SPNS2: variants seen among roughly 807,000 people sequenced by gnomAD.
The protein encoded by SPNS2 is sphingosine-1-phosphate transporter SPNS2.
SPNS2 carries 37 observed loss-of-function variants against 57.6 expected under a neutral mutation model. The ratio of observed to expected loss-of-function variants is 0.64; its 90% CI spans 0.49 to 0.85. The LOEUF is 0.85. Among genes scored for constraint, SPNS2 ranks in the 40% least tolerant of loss-of-function variants. The probability of loss-of-function intolerance (pLI) is 0.00; values close to 1 mark genes in which losing one functional copy is unlikely to be tolerated. For synonymous variants in SPNS2, 440 were observed against 346.9 expected (o/e 1.27, Z -2.98); for missense variants, 831 against 779.1 (o/e 1.07, Z -0.79).
chr17:4,537,055 C>A, intron 12 of SPNS2, 109 bp downstream of exon 12: 1 of 1,176,560 alleles, frequency 8.5e-7, no homozygotes, highest in Non-Finnish European at 1.2e-6. Flanking sequence ...CCCAGCACAT[C>A]CCACCAACTC....
Position 4,499,761 on chromosome 17 carries a change from C to G in SPNS2, c.370+344C>G. On this transcript the variant is annotated intron_variant, in intron 1 of 12. Transcript: ENST00000329078. This position sits in a 1 kb window ranked among gnomAD's most constrained non-coding sequence, Gnocchi z 5.2. ...CTCTGTCTCCTTGTCTCTGCGCCCCCTCCGACCCCAGCTGCCGGTTCCCGG... is the reference window on the plus strand; with the variant it reads ...CTCTGTCTCCTTGTCTCTGCGCCCCGTCCGACCCCAGCTGCCGGTTCCCGG... The G allele has an allele frequency of 5.0e-6, 1 of 201,560 alleles. No individual in the cohort carries two copies. Among genetic ancestry groups the G allele is most frequent in the Non-Finnish European group, 1.0e-5 (1 of 100,118 alleles). The allele number at this position is 201,560 out of a possible 1,614,324, so 12.5% of individuals were successfully genotyped here. A position where few individuals can be genotyped will look rare whatever the true frequency, so the allele number is the denominator to read the frequency against.
intron 7 of SPNS2, 43 bp downstream of exon 7, chr17:4,533,172 G>C (rs762797449): frequency 3.8e-6 from 6 of 1,582,796 alleles, no homozygotes; most frequent in Non-Finnish European, 5.2e-6. Flanking sequence ...GAGGGACCTC[G>C]GACAGGAGAG....
intron 1 of SPNS2, among the ~76,000 whole-genome samples, chr17:4,503,925 C>A (rs955148666): frequency 4.0e-5 from 6 of 151,460 alleles, no homozygotes; most frequent in African/African-American, 1.5e-4. Flanking sequence ...TTCCCCAGAG[C>A]AGCTGAGCTG....
Position 4,530,968 on chromosome 17 carries a change from G to A in SPNS2, c.726-85G>A, listed in dbSNP as rs180768336. The A allele has an allele frequency of 3.4e-4, 521 of 1,537,200 alleles. 3 individuals carry two copies. The African/African-American group carries it at 6.2e-3, about 18-fold the overall frequency. On this transcript the variant is annotated intron_variant, in intron 4 of 12. Coordinates refer to ENST00000329078, the MANE Select transcript of SPNS2 (RefSeq NM_001124758.3). ...GGCCAGCTGGCTGGGTGGGGAGGGT[G>A]GGCAGCCTGCCTTGCAGACCAGCGG...
chr17:4,520,388 G>A (rs1905108961), intron 2 of SPNS2, among the ~76,000 whole-genome samples: 1 of 152,180 alleles, frequency 6.6e-6, no homozygotes. Flanking sequence ...AGAGAATGGA[G>A]CATGATGGCC....
intron 2 of SPNS2, 83 bp downstream of exon 2, chr17:4,513,395 G>C (rs1279613690): frequency 2.3e-5 from 34 of 1,451,312 alleles, no homozygotes; most frequent in Non-Finnish European, 3.0e-5. Flanking sequence ...TCTGCCACCC[G>C]GTCTGTCTTC....
At position 4,520,736 on chromosome 17, in the gene SPNS2, A is replaced by T. The variant is rs563766635; in HGVS notation, c.437-4321A>T. ...GGCAGTCTGGGGAGTGATTTAGAGC[A>T]AGGACTCTGGAGTCTGCCAAACTGG... On this transcript the variant is annotated intron_variant, in intron 2 of 12. Transcript: ENST00000329078. 2.6e-5 allele frequency among the ~76,000 whole-genome samples: 4 copies of T among 152,244 alleles called. 1 individual carries two copies. In the South Asian group the frequency reaches 8.3e-4, roughly 32 times the overall value.
At position 4,510,488 on chromosome 17, in the gene SPNS2, G is replaced by C. The variant is rs1447517874; in HGVS notation, c.371-2759G>C. ...TCCTGGACCTTGAAGTCATCGGATG[G>C]GGAAGTGTGCCGCTGGATAGCTGGA... On this transcript the variant is annotated intron_variant, in intron 1 of 12. Coordinates refer to ENST00000329078, the MANE Select transcript of SPNS2 (RefSeq NM_001124758.3). The surrounding 1 kb of genome is among the most constrained non-coding windows in gnomAD (Gnocchi z 4.4). Among the ~76,000 whole-genome samples, 1 of 152,200 alleles carries C rather than the reference G, an allele frequency of 6.6e-6. No individual in the cohort carries two copies. Among genetic ancestry groups the C allele is most frequent in the African/African-American group, 2.4e-5 (1 of 41,448 alleles).
chr17:4,523,971 G>C (rs1567592299), intron 2 of SPNS2, among the ~76,000 whole-genome samples: 2 of 152,152 alleles, frequency 1.3e-5, no homozygotes, highest in African/African-American at 4.8e-5. Context: ...ACGGTTCCTG[G>C]TGCATTGTAG....
chr17:4,515,285 CTGTT>C (rs1390299904), intron 2 of SPNS2, among the ~76,000 whole-genome samples: 3 of 152,212 alleles, frequency 2.0e-5, no homozygotes, highest in African/African-American at 4.8e-5. Flanking sequence ...CCTACGGGCT[CTGTT>C]TGTCAGCTGC....
intron 3 of SPNS2, among the ~76,000 whole-genome samples, chr17:4,527,670 A>G (rs1332214374): frequency 6.6e-6 from 1 of 152,180 alleles, no homozygotes; most frequent in African/African-American, 2.4e-5. Context: ...TAACCAGGGA[A>G]ATGCAAATTA....
chr17:4,526,758 T>C (rs143870511), intron 3 of SPNS2, among the ~76,000 whole-genome samples: 22 of 152,174 alleles, frequency 1.4e-4, no homozygotes, highest in Middle Eastern at 3.4e-3. Context: ...TGAAGAACAA[T>C]GGCGGGGTCA....
chr17:4,520,447 C>T (rs1171295716), intron 2 of SPNS2, among the ~76,000 whole-genome samples: 2 of 152,130 alleles, frequency 1.3e-5, no homozygotes, highest in Non-Finnish European at 2.9e-5. Flanking sequence ...CTCGTCACCC[C>T]CCCGGGAGGG....
rs1904353468 is a variant in SPNS2, at chr17:4,498,901, A to C, written c.-147A>C. 3.3e-6 allele frequency: 1 copy of C among 300,186 alleles called. No individual in the cohort carries two copies. The highest frequency in any genetic ancestry group is 4.9e-6 in the Non-Finnish European group (1 of 204,142). 18.6% of individuals were successfully genotyped at this position (300,186 alleles called of 1,614,324 possible). A position where few individuals can be genotyped will look rare whatever the true frequency, so the allele number is the denominator to read the frequency against. ...GAGGCGCAGCGAGCTGAGCGGTGGC[A>C]GCGCCGCAGCCGGGGCCGGAGCGCA... On this transcript the variant is annotated 5_prime_UTR_variant, in exon 1 of 13. Transcript: ENST00000329078.
At chr17:4,517,240 C>G (rs1322768407) in intron 2 of SPNS2, among the ~76,000 whole-genome samples, 1 of 152,250 alleles carries the variant, frequency 6.6e-6, no homozygotes, top group Non-Finnish European at 1.5e-5. Flanking sequence ...CCCATAGAGG[C>G]CCCCTCTGTT....
intron 11 of SPNS2, 120 bp downstream of exon 11, chr17:4,536,546 A>T (rs1905821861): frequency 1.6e-6 from 2 of 1,250,400 alleles, no homozygotes; most frequent in Admixed American, 2.5e-5. Flanking sequence ...CACTCAGTGC[A>T]CCCACTGGTT....
chr17:4,533,080 C>T lies in SPNS2; in HGVS notation c.1039C>T (p.Gln347Ter). 1 of 1,613,152 alleles carries T rather than the reference C, an allele frequency of 6.2e-7. No homozygotes were observed. Among genetic ancestry groups the T allele is most frequent in the African/African-American group, 1.3e-5 (1 of 75,048 alleles). ...CTACCTGCACCGCGCCCAAGTTGTG[C>T]AGAAGACAGCAGAGACGTGCAACAG... Reference protein sequence around the residue: ...PLYLHRAQVVQKTAETCNSPP... With the variant: ...PLYLHRAQVV Residue 347 changes from glutamine (Q) to a stop codon, truncating the protein, a stop_gained, in exon 7 of 13, where the codon CAG becomes TAG. Coordinates refer to ENST00000329078, the MANE Select transcript of SPNS2 (RefSeq NM_001124758.3). LOFTEE classifies it high-confidence loss of function.
intron 4 of SPNS2, 57 bp downstream of exon 4, chr17:4,530,840 TTCTGAGTTCTCCC>T: frequency 1.9e-6 from 3 of 1,577,838 alleles, no homozygotes; most frequent in Admixed American, 3.4e-5. Context: ...TCCCTTGGAC[TTCTGAGTTCTCCC>T]ACTCCCTGGG....
At chr17:4,509,767 A>G (rs575831185) in intron 1 of SPNS2, among the ~76,000 whole-genome samples, 70 of 152,362 alleles carry the variant, frequency 4.6e-4, no homozygotes, top group African/African-American at 1.4e-3. Context: ...TTGGGTGATG[A>G]GAACCCTGTG....
Sources: allele counts gnomAD v4.1 joint callset (sites outside exome capture counted in the v4.1 genomes callset), GRCh38; gene constraint gnomAD v4.1.1; non-coding constraint Gnocchi (gnomAD v3.1); transcripts MANE v1.5; gene names NCBI Gene and HGNC (gene_info 2026-07-23, HGNC 2026-07-21).